The following PIAS2 variants were observed in gnomAD, a reference collection of about 807,000 sequenced individuals.
PIAS2 encodes E3 SUMO-protein ligase PIAS2.
Under a neutral mutation model 69.7 loss-of-function variants are expected in PIAS2, and 19 were observed. The ratio of observed to expected loss-of-function variants is 0.27; its 90% confidence interval spans 0.19 to 0.40. The LOEUF (loss-of-function observed/expected upper bound fraction) is 0.40. Among genes scored for constraint, PIAS2 ranks in the 10% least tolerant of loss-of-function variants. PIAS2 has a pLI of 1.00. For missense variants in PIAS2, 624 were observed against 757.0 expected (o/e 0.82, Z 2.06); for synonymous variants, 261 against 263.2 (o/e 0.99, Z 0.08).
intron 8 of PIAS2, among the ~76,000 whole-genome samples, chr18:46,839,297 CA>C (rs2044936493): frequency 6.6e-6 from 1 of 152,084 alleles, no homozygotes; most frequent in Non-Finnish European, 1.5e-5. Context: ...TAAAAAACAG[CA>C]AGCCATAGGA....
chr18:46,881,500 T>C (rs1312335786), intron 2 of PIAS2, among the ~76,000 whole-genome samples: 1 of 152,188 alleles, frequency 6.6e-6, no homozygotes, highest in Non-Finnish European at 1.5e-5. Context: ...ACCATTTTAT[T>C]TTCTATTTCT....
At chr18:46,915,152 C>G (rs997465877) in intron 1 of PIAS2, 1 of 151,992 alleles carries the variant, frequency 6.6e-6, no homozygotes, top group Admixed American at 6.6e-5. Flanking sequence ...GATTAAAAAT[C>G]TTAGCTTTTC....
rs149108487 is a variant in PIAS2 at position 46,812,289 on chromosome 18, AC to A, written c.*143del. 29 of 573,854 alleles carry A rather than the reference AC, an allele frequency of 5.1e-5. No individual in the cohort carries two copies. In the East Asian group the frequency reaches 7.8e-4, roughly 16 times the overall value. 35.5% of individuals were successfully genotyped at this position (573,854 alleles called of 1,614,324 possible). A position where few individuals can be genotyped will look rare whatever the true frequency, so the allele number is the denominator to read the frequency against. On this transcript the variant is annotated 3_prime_UTR_variant, in exon 14 of 14. Coordinates refer to ENST00000585916, the MANE Select transcript of PIAS2 (RefSeq NM_004671.5). ...GTTCTTGTTGCAGTCTTCTGTGTTC[AC>A]CCCTCAGAAAGCAAAAGAATCCATC...
chr18:46,862,943 T>A (rs1292283179), intron 3 of PIAS2, among the ~76,000 whole-genome samples: 1 of 152,122 alleles, frequency 6.6e-6, no homozygotes, highest in African/African-American at 2.4e-5. Context: ...TGAACTCAAG[T>A]AATCCACCCA....
intron 9 of PIAS2, among the ~76,000 whole-genome samples, chr18:46,832,462 T>C (rs554685001): frequency 6.6e-6 from 1 of 152,032 alleles, no homozygotes; most frequent in African/African-American, 2.4e-5. Context: ...GGCAAAAGTT[T>C]GGTCACTTCA....
At chr18:46,863,533 A>C (rs1245311530) in intron 3 of PIAS2, among the ~76,000 whole-genome samples, 1 of 151,980 alleles carries the variant, frequency 6.6e-6, no homozygotes, top group Non-Finnish European at 1.5e-5. Context: ...CCTGGGCTCA[A>C]GTGATACTGC....
intron 1 of PIAS2, among the ~76,000 whole-genome samples, chr18:46,910,494 G>C (rs1200794983): frequency 6.6e-6 from 1 of 152,162 alleles, no homozygotes; most frequent in African/African-American, 2.4e-5. Flanking sequence ...TCAGGGAAGT[G>C]TCTCAAGAAC....
intron 9 of PIAS2, among the ~76,000 whole-genome samples, chr18:46,834,344 T>A (rs1451811778): frequency 2.6e-5 from 4 of 152,124 alleles, no homozygotes; most frequent in Non-Finnish European, 5.9e-5. Context: ...AAAGGGAAAC[T>A]GGGAAAATAC....
intron 2 of PIAS2, among the ~76,000 whole-genome samples, chr18:46,868,732 G>C (rs72911104): frequency 0.057 from 8,737 of 152,226 alleles, 301 homozygotes; most frequent in Non-Finnish European, 0.081. Flanking sequence ...TTTGGCATTT[G>C]GGTGCTTGTT....
intron 1 of PIAS2, among the ~76,000 whole-genome samples, chr18:46,911,876 C>T (rs1479259215): frequency 3.3e-5 from 5 of 152,084 alleles, no homozygotes; most frequent in South Asian, 2.1e-4. Flanking sequence ...CATGGTGAAA[C>T]CCTGTCTCTA....
chr18:46,853,226 A>C (rs2047237219), intron 5 of PIAS2: 1 of 147,296 alleles, frequency 6.8e-6, no homozygotes, highest in East Asian at 2.0e-4. Context: ...CTGCAGAGTG[A>C]GCCGAGACTA....
intron 8 of PIAS2, 30 bp downstream of exon 8, chr18:46,844,023 AT>A: frequency 7.6e-7 from 1 of 1,324,342 alleles, no homozygotes; most frequent in Non-Finnish European, 1.0e-6. Flanking sequence ...AAAAAGTCAA[AT>A]TCCCCAAAAT....
intron 1 of PIAS2, chr18:46,901,211 A>G (rs1183646889): frequency 2.8e-6 from 1 of 362,258 alleles, no homozygotes; most frequent in Non-Finnish European, 5.4e-6. Flanking sequence ...TGCGGTCAGG[A>G]GTTCGAGGCC....
chr18:46,855,193 G>A (rs2145435390), intron 5 of PIAS2, 152 bp downstream of exon 5: 4 of 353,418 alleles, frequency 1.1e-5, no homozygotes, highest in Non-Finnish European at 2.1e-5. Flanking sequence ...ATTTATCCAA[G>A]AAGCCATGGG....
At chr18:46,905,990 A>AT (rs1356096789) in intron 1 of PIAS2, 2 of 152,170 alleles carry the variant, frequency 1.3e-5, no homozygotes, top group African/African-American at 4.8e-5. Context: ...AAAGGAACAG[A>AT]TAGATCAGGG....
upstream of PIAS2, among the ~76,000 whole-genome samples, chr18:46,918,372 A>G (rs1411087275): frequency 2.0e-5 from 3 of 152,084 alleles, no homozygotes; most frequent in African/African-American, 7.2e-5. Context: ...TCAGCCTCCT[A>G]CCTACCGCCT....
rs2040839084 is a variant in PIAS2 at position 46,808,894 on chromosome 18, A to C, written c.*3539T>G. 6.6e-6 allele frequency: 1 copy of C among 150,864 alleles called. No homozygotes were observed. Among genetic ancestry groups the C allele is most frequent in the South Asian group, 2.1e-4 (1 of 4,784 alleles). The allele number at this position is 150,864 out of a possible 1,614,324, so 9.3% of individuals were successfully genotyped here. On this transcript the variant is annotated 3_prime_UTR_variant, in exon 14 of 14. Transcript: ENST00000585916. ...AAAGGCATACCCGTGAATTAAATTA[A>C]TGCTTTAAAAAAAATTGACTTTACT...
At chr18:46,885,733 G>C (rs1474556359) in intron 2 of PIAS2, among the ~76,000 whole-genome samples, 5 of 151,668 alleles carry the variant, frequency 3.3e-5, no homozygotes, top group Non-Finnish European at 5.9e-5. Context: ...ATTGTTTTTA[G>C]TTCAAGGGTA....
At chr18:46,816,371 T>A (rs513775) in intron 12 of PIAS2, 19 of 978,140 alleles carry the variant, frequency 1.9e-5, no homozygotes, top group Non-Finnish European at 2.3e-5. Context: ...AATAAGGGTA[T>A]TACAAAAATG....
Sources: allele counts gnomAD v4.1 joint callset (sites outside exome capture counted in the v4.1 genomes callset), GRCh38; gene constraint gnomAD v4.1.1; transcripts MANE v1.5; gene names NCBI Gene and HGNC (gene_info 2026-07-23, HGNC 2026-07-21).